USP7: variants seen among roughly 807,000 people sequenced by gnomAD.
USP7 encodes the protein ubiquitin specific peptidase 7, also known as ubiquitin C-terminal hydrolase 7.
A neutral mutation model predicts 162.9 loss-of-function variants in USP7; 9 were observed. The observed-to-expected ratio is 0.06, with a 90% CI of 0.03 to 0.10. USP7 has a LOEUF of 0.10. USP7 is among the 10% of genes least tolerant of loss of function. The pLI is 1.00. For missense variants in USP7, 715 were observed against 1,373.7 expected (o/e 0.52, Z 7.58); for synonymous variants, 562 against 475.9 (o/e 1.18, Z -2.35).
chr16:8,917,844 C>T (rs1347628651), intron 6 of USP7, among the ~76,000 whole-genome samples: 5 of 151,954 alleles, frequency 3.3e-5, no homozygotes, highest in Non-Finnish European at 7.4e-5. Context: ...GGCTGGAATG[C>T]AGTGGCGTGA....
intron 21 of USP7, chr16:8,900,078 C>G (rs2061749976): frequency 9.4e-6 from 4 of 425,806 alleles, no homozygotes; most frequent in Non-Finnish European, 1.7e-5. Flanking sequence ...ACAGACCTGA[C>G]AGGTGGTGGA....
intron 1 of USP7, chr16:8,936,743 G>A (rs1898758814): frequency 1.5e-6 from 2 of 1,367,014 alleles, no homozygotes; most frequent in Non-Finnish European, 1.9e-6. Flanking sequence ...GCATCCCACA[G>A]AAGCCTTGTC....
At chr16:8,920,605 C>G (rs1897633130) in intron 4 of USP7, among the ~76,000 whole-genome samples, 158 bp from the exon 5 acceptor site, 1 of 152,098 alleles carries the variant, frequency 6.6e-6, no homozygotes, top group East Asian at 1.9e-4. Context: ...TTTCAATTTT[C>G]TTTTAACAGT....
At chr16:8,919,306 T>C (rs1194321172) in intron 5 of USP7, among the ~76,000 whole-genome samples, 167 bp from the exon 6 acceptor site, 1 of 151,940 alleles carries the variant, frequency 6.6e-6, no homozygotes, top group Non-Finnish European at 1.5e-5. Context: ...TGCTCCAGTG[T>C]GTGAACTGGT....
At chr16:8,959,123 C>T (rs1001571584) in intron 1 of USP7, among the ~76,000 whole-genome samples, 2 of 152,144 alleles carry the variant, frequency 1.3e-5, no homozygotes, top group Non-Finnish European at 2.9e-5. Context: ...ATGTGCCTGG[C>T]GATTCCAGTC....
chr16:8,900,452 C>G, intron 21 of USP7, 78 bp downstream of exon 21: 3 of 1,083,454 alleles, frequency 2.8e-6, no homozygotes, highest in Non-Finnish European at 3.9e-6. Context: ...GATCTAGGTA[C>G]AAATGTTTCT....
intron 14 of USP7, 133 bp from the exon 15 acceptor site, chr16:8,904,698 T>TGTAA: frequency 7.4e-7 from 1 of 1,342,364 alleles, no homozygotes; most frequent in East Asian, 2.6e-5. Flanking sequence ...ATCCCAGCAC[T>TGTAA]TTGGGAGGCT....
At chr16:8,928,771 T>A (rs1412171967) in intron 2 of USP7, among the ~76,000 whole-genome samples, 1 of 152,194 alleles carries the variant, frequency 6.6e-6, no homozygotes, top group East Asian at 1.9e-4. Flanking sequence ...ATTTCCACTT[T>A]CGGGTCCTAT....
chr16:8,914,350 T>G (rs77797543), intron 10 of USP7, among the ~76,000 whole-genome samples: 1 of 151,846 alleles, frequency 6.6e-6, no homozygotes, highest in South Asian at 2.1e-4. Context: ...TAAACCACTT[T>G]GGGAATCTCG....
intron 1 of USP7, among the ~76,000 whole-genome samples, chr16:8,937,569 G>A (rs1436724533): frequency 6.6e-6 from 1 of 151,924 alleles, no homozygotes; most frequent in African/African-American, 2.4e-5. Flanking sequence ...GTGTGGTGGT[G>A]CACACCTGTA....
Position 8,893,333 on chromosome 16 carries a change from T to TA in USP7, c.*664dup, listed in dbSNP as rs1484156179. The TA allele has an allele frequency of 4.6e-5, 7 of 152,228 alleles. No homozygotes were observed. The highest frequency in any genetic ancestry group is 8.8e-5 in the Non-Finnish European group (6 of 68,062). 9.4% of individuals were successfully genotyped at this position (152,228 alleles called of 1,614,324 possible). ...GAATTTAACAATGTTCTTGATTTAA[T>TA]AAAAAGACCCCCACAATGTCTGTCC... On this transcript the variant is annotated 3_prime_UTR_variant, in exon 31 of 31. Transcript: ENST00000344836.
chr16:8,958,537 G>C (rs1231289965), intron 1 of USP7, among the ~76,000 whole-genome samples: 1 of 152,226 alleles, frequency 6.6e-6, no homozygotes, highest in African/African-American at 2.4e-5. Flanking sequence ...CACAGTTCCA[G>C]CATGAGGCAG....
intron 10 of USP7, among the ~76,000 whole-genome samples, chr16:8,913,919 G>A (rs2061990594): frequency 6.6e-6 from 1 of 151,698 alleles, no homozygotes; most frequent in South Asian, 2.1e-4. Context: ...CAGCTAATTT[G>A]TAGAGATGGA....
intron 10 of USP7, among the ~76,000 whole-genome samples, chr16:8,913,975 C>T (rs138182723): frequency 5.9e-5 from 9 of 151,920 alleles, no homozygotes; most frequent in African/African-American, 2.2e-4. Flanking sequence ...TGGGTTCAAG[C>T]AATCCTCCCG....
At chr16:8,950,540 GACTTTGATC>G (rs1433953786) in intron 1 of USP7, among the ~76,000 whole-genome samples, 3 of 152,200 alleles carry the variant, frequency 2.0e-5, no homozygotes, top group Non-Finnish European at 4.4e-5. Context: ...GAACACTGAA[GACTTTGATC>G]ACTTGGGCTG....
chr16:8,904,365 C>A, intron 15 of USP7, 70 bp downstream of exon 15: 3 of 1,585,770 alleles, frequency 1.9e-6, no homozygotes, highest in South Asian at 2.3e-5. Flanking sequence ...GGGGGCTGAC[C>A]TGCACTTGTG....
rs1230935800 is a variant in USP7 at position 8,963,237 on chromosome 16, A to G, written c.49T>C (p.Leu17=). The part of the protein sequence containing the change: ...QQQQKAGEQQ[L]SEPEDMEMEA... ...ATCTCCATGTCCTCGGGCTCGCTCA[A>G]CTGCTGCTCGCCCGCTTTCTGCTGC... The change falls in exon 1 of 31, where the codon TTG becomes CTG. Residue 17 remains leucine (L), a synonymous_variant. Coordinates refer to ENST00000344836, the MANE Select transcript of USP7 (RefSeq NM_003470.3). The G allele has an allele frequency of 7.2e-7, 1 of 1,398,096 alleles. No homozygotes were observed. The highest frequency in any genetic ancestry group is 9.4e-7 in the Non-Finnish European group (1 of 1,065,374). 86.6% of individuals were successfully genotyped at this position (1,398,096 alleles called of 1,614,324 possible).
chr16:8,932,365 A>C (rs1025059185), intron 1 of USP7, among the ~76,000 whole-genome samples: 1 of 152,180 alleles, frequency 6.6e-6, no homozygotes, highest in African/African-American at 2.4e-5. Flanking sequence ...CAGGAGTTTG[A>C]GACCAGCCAG....
intron 1 of USP7, among the ~76,000 whole-genome samples, chr16:8,940,067 C>T (rs1898964196): frequency 6.6e-6 from 1 of 152,058 alleles, no homozygotes; most frequent in Non-Finnish European, 1.5e-5. Flanking sequence ...CACTGAACTC[C>T]AGCATGGGTG....
Sources: gnomAD v4.1 joint callset for allele counts (sites outside exome capture counted in the v4.1 genomes callset) on GRCh38, gnomAD v4.1.1 for gene constraint, MANE v1.5 for transcripts, NCBI Gene and HGNC (gene_info 2026-07-23, HGNC 2026-07-21) for gene names.